Variants in RPTOR observed in about 807,000 individuals in gnomAD.
The protein encoded by RPTOR is regulatory associated protein of MTOR complex 1, also known as regulatory-associated protein of mTOR.
A neutral mutation model predicts 169.9 loss-of-function variants in RPTOR; 21 were observed. The observed-to-expected ratio is 0.12, with a 90% CI of 0.09 to 0.18. The LOEUF is 0.18. RPTOR is among the 10% of genes least tolerant of loss of function. The pLI, the probability that RPTOR is intolerant of heterozygous loss-of-function variation, is 1.00. For synonymous variants in RPTOR, 732 were observed against 753.2 expected (o/e 0.97, Z 0.46); for missense variants, 1,133 against 1,855.9 (o/e 0.61, Z 7.16).
At chr17:80,879,665 G>T (rs1379405161) in intron 13 of RPTOR, among the ~76,000 whole-genome samples, 2 of 152,190 alleles carry the variant, frequency 1.3e-5, no homozygotes, top group East Asian at 3.9e-4. Context: ...AATACCTAGT[G>T]CTCAGCACCC....
At chr17:80,663,868 G>C (rs2065743427) in intron 3 of RPTOR, among the ~76,000 whole-genome samples, 1 of 151,990 alleles carries the variant, frequency 6.6e-6, no homozygotes, top group Non-Finnish European at 1.5e-5. Context: ...AGATGGGCTG[G>C]CCTGCCCTGC....
At chr17:80,744,419 GGC>G (rs1243874996) in intron 5 of RPTOR, among the ~76,000 whole-genome samples, 3 of 106,802 alleles carry the variant, frequency 2.8e-5, no homozygotes, top group South Asian at 2.7e-4. Context: ...GCACAGCCCT[GGC>G]TACTAGCACA....
At chr17:80,727,056 A>C (rs1000370949) in intron 4 of RPTOR, among the ~76,000 whole-genome samples, 1 of 151,552 alleles carries the variant, frequency 6.6e-6, no homozygotes, top group Non-Finnish European at 1.5e-5. Flanking sequence ...TGGGCGCTAC[A>C]CCTCCGACCA....
intron 7 of RPTOR, among the ~76,000 whole-genome samples, chr17:80,795,642 G>C (rs1422855802): frequency 6.6e-6 from 1 of 152,036 alleles, no homozygotes; most frequent in Non-Finnish European, 1.5e-5. Flanking sequence ...TTAGGGATTC[G>C]GGGTACGAGG....
intron 9 of RPTOR, among the ~76,000 whole-genome samples, chr17:80,834,904 C>T (rs1202392809): frequency 6.6e-6 from 1 of 152,250 alleles, no homozygotes. Flanking sequence ...AACTTGCACA[C>T]ACTTTCTTCT....
In RPTOR at chr17:80,908,789, ATCT is replaced by A. The variant is rs1433334160; in HGVS notation, c.2402-19_2402-17del. The A allele has an allele frequency of 6.4e-7, 1 of 1,574,140 alleles. No individual in the cohort carries two copies. Among genetic ancestry groups the A allele is most frequent in the African/African-American group, 1.3e-5 (1 of 74,160 alleles). On this transcript the variant is annotated intron_variant, in intron 20 of 33. Transcript: ENST00000306801. ...ATTGGCAGCTACTTTCCACTAAAAC[ATCT>A]TCCATTTCTCTCTCTCAGGAGTTTC... is the stretch of plus-strand genomic sequence containing the variant.
At chr17:80,787,426 T>C (rs747037342) in intron 6 of RPTOR, among the ~76,000 whole-genome samples, 14 of 152,254 alleles carry the variant, frequency 9.2e-5, no homozygotes, top group Non-Finnish European at 1.6e-4. Flanking sequence ...TTGTTTGTTT[T>C]GCTTTGCTTT....
intron 1 of RPTOR, among the ~76,000 whole-genome samples, chr17:80,599,075 A>C (rs1287165778): frequency 6.6e-6 from 1 of 152,116 alleles, no homozygotes; most frequent in Non-Finnish European, 1.5e-5. Context: ...GGCCACAGGC[A>C]AGCTCTTCTT....
chr17:80,843,642 A>G (rs938843130), intron 10 of RPTOR, among the ~76,000 whole-genome samples: 3 of 151,620 alleles, frequency 2.0e-5, no homozygotes, highest in Non-Finnish European at 4.4e-5. Context: ...TCCCCTTGGC[A>G]GTGAACTTTA....
At chr17:80,604,993 CAT>C (rs2065218508) in intron 1 of RPTOR, among the ~76,000 whole-genome samples, 2 of 151,380 alleles carry the variant, frequency 1.3e-5, no homozygotes, top group Admixed American at 6.6e-5. Context: ...CTCCTGGGCT[CAT>C]GTGATCCTCT....
chr17:80,630,176 C>G (rs901974251), intron 2 of RPTOR, among the ~76,000 whole-genome samples: 5 of 152,210 alleles, frequency 3.3e-5, no homozygotes, highest in Non-Finnish European at 5.9e-5. Flanking sequence ...TCTGAGTCTC[C>G]TAATTCCTTT....
intron 9 of RPTOR, among the ~76,000 whole-genome samples, chr17:80,836,045 G>A (rs567560607): frequency 6.6e-6 from 1 of 152,230 alleles, no homozygotes; most frequent in South Asian, 2.1e-4. Flanking sequence ...TTTCACAGAT[G>A]GTGAAACGGA....
chr17:80,859,827 T>TGA (rs1354693242), intron 13 of RPTOR, among the ~76,000 whole-genome samples: 1 of 152,224 alleles, frequency 6.6e-6, no homozygotes, highest in South Asian at 2.1e-4. Context: ...AAGTCCCCTG[T>TGA]GAAGTTAGCT....
chr17:80,622,775 A>G (rs993217284), intron 1 of RPTOR, among the ~76,000 whole-genome samples: 1 of 151,954 alleles, frequency 6.6e-6, no homozygotes, highest in Non-Finnish European at 1.5e-5. Flanking sequence ...GTGGTGGCAC[A>G]CCCTGTGGTC....
chr17:80,817,401 C>T (rs1200596686), intron 7 of RPTOR, among the ~76,000 whole-genome samples: 1 of 152,034 alleles, frequency 6.6e-6, no homozygotes, highest in Non-Finnish European at 1.5e-5. Context: ...AGGCGGCCAC[C>T]CCATGGGGAG....
chr17:80,568,658 A>T (rs139589645), intron 1 of RPTOR, among the ~76,000 whole-genome samples: 4 of 152,046 alleles, frequency 2.6e-5, no homozygotes, highest in African/African-American at 7.3e-5. Flanking sequence ...CAGTTTTCCT[A>T]TCTCTCCCCT....
intron 20 of RPTOR, 35 bp downstream of exon 20, chr17:80,893,900 C>T (rs777609472): frequency 1.3e-6 from 2 of 1,504,670 alleles, no homozygotes; most frequent in Non-Finnish European, 1.8e-6. Context: ...TTCCGAGGGG[C>T]CCCGAGGGTC....
At chr17:80,585,189 TATTATTA>T (rs2065048702) in intron 1 of RPTOR, among the ~76,000 whole-genome samples, 1 of 148,508 alleles carries the variant, frequency 6.7e-6, no homozygotes, top group African/African-American at 2.5e-5. Context: ...TTATTATTAT[TATTATTA>T]TTATTATTTT....
chr17:80,647,546 G>A (rs1299884138), intron 3 of RPTOR, among the ~76,000 whole-genome samples: 1 of 152,142 alleles, frequency 6.6e-6, no homozygotes, highest in Non-Finnish European at 1.5e-5. Context: ...CAGAGAGAGT[G>A]GACAACACCA....
Sources: allele counts gnomAD v4.1 joint callset (sites outside exome capture counted in the v4.1 genomes callset), GRCh38; gene constraint gnomAD v4.1.1; transcripts MANE v1.5; gene names NCBI Gene and HGNC (gene_info 2026-07-23, HGNC 2026-07-21).